RSRC1: variants seen among roughly 807,000 people sequenced by gnomAD.
The protein encoded by RSRC1 is serine/Arginine-related protein 53.
A neutral mutation model predicts 49.1 loss-of-function variants in RSRC1; 39 were observed. The observed-to-expected ratio is 0.79, with a 90% CI of 0.61 to 1.04. The LOEUF is 1.04. Ranked by LOEUF, RSRC1 falls within the 50% of genes least tolerant of loss-of-function variation. The pLI is 0.00. For synonymous variants in RSRC1, 143 were observed against 130.8 expected, an observed-to-expected ratio of 1.09 and a Z score of -0.63; for missense variants, 388 against 402.4, an observed-to-expected ratio of 0.96 and a Z score of 0.31.
intron 6 of RSRC1, among the ~76,000 whole-genome samples, chr3:158,430,148 T>TA (rs1735707050): frequency 6.6e-6 from 1 of 151,784 alleles, no homozygotes; most frequent in Non-Finnish European, 1.5e-5. Flanking sequence ...ATAGTAGTGG[T>TA]AATGGTGATG....
intron 6 of RSRC1, among the ~76,000 whole-genome samples, chr3:158,369,021 CAG>C (rs1422485022): frequency 6.6e-6 from 1 of 151,928 alleles, no homozygotes; most frequent in Non-Finnish European, 1.5e-5. Context: ...TTTAGTGTAA[CAG>C]AGCTTTTGAA....
intron 7 of RSRC1, among the ~76,000 whole-genome samples, chr3:158,510,136 T>G (rs1740074962): frequency 6.6e-6 from 1 of 152,202 alleles, no homozygotes; most frequent in African/African-American, 2.4e-5. Flanking sequence ...ATGATTTCAT[T>G]GCCATAGTGT....
At chr3:158,319,297 C>G (rs995664492) in intron 5 of RSRC1, among the ~76,000 whole-genome samples, 1 of 152,144 alleles carries the variant, frequency 6.6e-6, no homozygotes, top group Non-Finnish European at 1.5e-5. Flanking sequence ...CTTCCCCACT[C>G]TCACTCTCTC....
chr3:158,461,694 A>G (rs774823220), intron 7 of RSRC1, among the ~76,000 whole-genome samples: 1 of 151,876 alleles, frequency 6.6e-6, no homozygotes, highest in South Asian at 2.1e-4. Flanking sequence ...AGTTAAGTTG[A>G]TGATCTGCTT....
At chr3:158,110,809 T>C (rs1714337778) in intron 1 of RSRC1, among the ~76,000 whole-genome samples, 1 of 152,212 alleles carries the variant, frequency 6.6e-6, no homozygotes, top group Admixed American at 6.5e-5. Context: ...TATATATTCC[T>C]TTGACTTCTG....
chr3:158,364,136 C>G (rs768574371), intron 6 of RSRC1, among the ~76,000 whole-genome samples: 4 of 152,170 alleles, frequency 2.6e-5, no homozygotes, highest in Non-Finnish European at 5.9e-5. Context: ...CAACACTTCT[C>G]TAAAGTCCGT....
At chr3:158,316,687 G>A (rs867368987) in intron 5 of RSRC1, among the ~76,000 whole-genome samples, 11 of 151,804 alleles carry the variant, frequency 7.2e-5, no homozygotes, top group African/African-American at 2.7e-4. Flanking sequence ...CTTGTGATCC[G>A]CCCGCCTCGG....
chr3:158,416,901 T>G (rs1346159204), intron 6 of RSRC1, among the ~76,000 whole-genome samples: 1 of 152,050 alleles, frequency 6.6e-6, no homozygotes, highest in African/African-American at 2.4e-5. Flanking sequence ...TTAGAACGTA[T>G]CTGAAGATTT....
At chr3:158,518,124 GTGTATATATA>G (rs1194824471) in intron 7 of RSRC1, among the ~76,000 whole-genome samples, 9 of 53,180 alleles carry the variant, frequency 1.7e-4, no homozygotes, top group Non-Finnish European at 3.3e-4. Context: ...GTGTGTGTGT[GTGTATATATA>G]TATATATATA....
intron 3 of RSRC1, among the ~76,000 whole-genome samples, chr3:158,197,029 G>A (rs546981369): frequency 4.6e-5 from 7 of 152,308 alleles, no homozygotes; most frequent in Admixed American, 1.3e-4. Context: ...ACGAGTTAGG[G>A]ATGATTCCCT....
chr3:158,154,462 A>G (rs977822255), intron 3 of RSRC1, among the ~76,000 whole-genome samples: 6 of 143,536 alleles, frequency 4.2e-5, no homozygotes, highest in East Asian at 2.3e-4. Flanking sequence ...TTTACCGATC[A>G]TAGAACTTTT....
At chr3:158,122,605 T>C (rs1387259541) in intron 2 of RSRC1, among the ~76,000 whole-genome samples, 1 of 152,160 alleles carries the variant, frequency 6.6e-6, no homozygotes, top group East Asian at 1.9e-4. Flanking sequence ...TATTTTATTA[T>C]ACTTTAAGTT....
chr3:158,522,987 A>G (rs1711786798), intron 7 of RSRC1, among the ~76,000 whole-genome samples: 1 of 152,120 alleles, frequency 6.6e-6, no homozygotes, highest in Non-Finnish European at 1.5e-5. Flanking sequence ...TGTGGCAACT[A>G]CTTTATAAAG....
intron 7 of RSRC1, among the ~76,000 whole-genome samples, chr3:158,493,183 C>T (rs1739159407): frequency 6.6e-6 from 1 of 151,924 alleles, no homozygotes; most frequent in Non-Finnish European, 1.5e-5. Flanking sequence ...TGTAAGAAGC[C>T]CTAATCATCA....
intron 5 of RSRC1, among the ~76,000 whole-genome samples, chr3:158,343,705 A>G (rs772110535): frequency 3.3e-5 from 5 of 152,176 alleles, no homozygotes; most frequent in Admixed American, 1.3e-4. Context: ...AGATTAGGGG[A>G]TATGATACAT....
intron 7 of RSRC1, among the ~76,000 whole-genome samples, chr3:158,516,771 G>A (rs377593828): frequency 2.0e-4 from 31 of 152,340 alleles, no homozygotes; most frequent in Admixed American, 3.9e-4. Flanking sequence ...AGGGCCCTCC[G>A]AGCCAGGTGC....
At chr3:158,468,312 C>T (rs2108416637) in intron 7 of RSRC1, among the ~76,000 whole-genome samples, 1 of 152,244 alleles carries the variant, frequency 6.6e-6, no homozygotes, top group African/African-American at 2.4e-5. Context: ...AAGCCTATAC[C>T]ACTTACCATA....
At chr3:158,347,494 A>G (rs57386317) in intron 5 of RSRC1, among the ~76,000 whole-genome samples, 11,152 of 152,240 alleles carry the variant, frequency 0.073, 478 homozygotes, top group South Asian at 0.13. Context: ...ATATGATAAT[A>G]TGGAATTGAG....
intron 8 of RSRC1, among the ~76,000 whole-genome samples, chr3:158,543,077 C>A (rs958673239): frequency 3.3e-5 from 5 of 152,004 alleles, no homozygotes; most frequent in African/African-American, 1.2e-4. Context: ...AAAACAAATA[C>A]AATATAGTTA....
Sources: allele counts gnomAD v4.1 joint callset (sites outside exome capture counted in the v4.1 genomes callset), GRCh38; gene constraint gnomAD v4.1.1; transcripts MANE v1.5; gene names NCBI Gene and HGNC (gene_info 2026-07-23, HGNC 2026-07-21).